IQCH: variants seen among roughly 807,000 people sequenced by gnomAD.
IQCH encodes the protein IQ motif containing H, also known as IQ domain-containing protein H.
IQCH carries 98 observed loss-of-function variants against 117.0 expected under a neutral mutation model. The observed-to-expected ratio is 0.84, with a 90% CI of 0.71 to 0.99. The LOEUF is 0.99. Among genes scored for constraint, IQCH ranks in the 50% least tolerant of loss-of-function variants. The probability of loss-of-function intolerance (pLI) is 0.00; values close to 1 mark genes in which losing one functional copy is unlikely to be tolerated. For missense variants in IQCH, 1,102 were observed against 1,243.8 expected, an observed-to-expected ratio of 0.89 and a Z score of 1.72; for synonymous variants, 412 against 448.2, an observed-to-expected ratio of 0.92 and a Z score of 1.02.
intron 4 of IQCH, among the ~76,000 whole-genome samples, chr15:67,301,679 G>A (rs1486899650): frequency 6.6e-6 from 1 of 151,736 alleles, no homozygotes; most frequent in Non-Finnish European, 1.5e-5. Context: ...CAAAGTGCTG[G>A]GATTACAGGA....
intron 6 of IQCH, among the ~76,000 whole-genome samples, chr15:67,347,742 T>TA (rs1969462370): frequency 6.7e-6 from 1 of 150,106 alleles, no homozygotes; most frequent in East Asian, 1.9e-4. Context: ...GTATTCTTTA[T>TA]GAAAATAGAT....
At chr15:67,462,830 A>G (rs189299485) in intron 16 of IQCH, among the ~76,000 whole-genome samples, 1 of 152,212 alleles carries the variant, frequency 6.6e-6, no homozygotes, top group African/African-American at 2.4e-5. Flanking sequence ...TCACTTTCTC[A>G]TATTAAGGGA....
intron 4 of IQCH, among the ~76,000 whole-genome samples, chr15:67,303,372 G>A (rs1272955712): frequency 1.3e-5 from 2 of 152,082 alleles, no homozygotes; most frequent in East Asian, 3.9e-4. Context: ...GGTGATGGTT[G>A]TGAATATACT....
At chr15:67,399,115 G>A (rs1057370194) in intron 13 of IQCH, among the ~76,000 whole-genome samples, 2 of 152,086 alleles carry the variant, frequency 1.3e-5, no homozygotes, top group African/African-American at 4.8e-5. Context: ...ACCTCTCTGT[G>A]GGTTGGGATA....
rs1388694920 is a variant in IQCH, at chr15:67,401,141, T to C, written c.2097+836T>C. On this transcript the variant is annotated intron_variant, in intron 14 of 20. Transcript: ENST00000335894. The surrounding 1 kb of genome is among the most constrained non-coding windows in gnomAD (Gnocchi z 4.7). Reference sequence around the variant, plus strand: ...AAAATAGTACATTCCAGCCAGAAAATCTCCCAGCAAAAGCTGAGCTGTAGG... The same window carrying C: ...AAAATAGTACATTCCAGCCAGAAAACCTCCCAGCAAAAGCTGAGCTGTAGG... Among the ~76,000 whole-genome samples, 1 of 152,042 alleles carries C rather than the reference T, an allele frequency of 6.6e-6. No homozygotes were observed. The highest frequency in any genetic ancestry group is 1.5e-5 in the Non-Finnish European group (1 of 68,008).
At chr15:67,336,460 C>T (rs1172080039) in intron 4 of IQCH, among the ~76,000 whole-genome samples, 1 of 152,124 alleles carries the variant, frequency 6.6e-6, no homozygotes, top group African/African-American at 2.4e-5. Flanking sequence ...AAGTAATTAT[C>T]TTCTCTAACT....
In IQCH at chr15:67,425,122, T is replaced by C. The variant is rs1006427199; in HGVS notation, c.2505+3545T>C. On this transcript the variant is annotated intron_variant, in intron 16 of 20. Transcript: ENST00000335894. This position sits in a 1 kb window ranked among gnomAD's most constrained non-coding sequence, Gnocchi z 5.5. Reference sequence around the variant, plus strand: ...TGTTTGTTTGCCCATTTATATATCTTTTCTTAATTGCCTAATCATATCTTT... The same window carrying C: ...TGTTTGTTTGCCCATTTATATATCTCTTCTTAATTGCCTAATCATATCTTT... 2.6e-5 allele frequency among the ~76,000 whole-genome samples: 4 copies of C among 152,220 alleles called. No homozygotes were observed. The highest frequency in any genetic ancestry group is 7.2e-5 in the African/African-American group (3 of 41,458).
chr15:67,367,337 AC>A (rs1326591961), intron 8 of IQCH, among the ~76,000 whole-genome samples: 1 of 152,114 alleles, frequency 6.6e-6, no homozygotes, highest in Non-Finnish European at 1.5e-5. Flanking sequence ...GGAGTTCAAG[AC>A]CAGCTTGGGC....
intron 3 of IQCH, among the ~76,000 whole-genome samples, chr15:67,277,029 A>C (rs1016779240): frequency 1.3e-5 from 2 of 152,138 alleles, no homozygotes; most frequent in African/African-American, 2.4e-5. Context: ...CACTTTGAGG[A>C]GTTTATATTG....
chr15:67,301,883 C>T (rs1296291676), intron 4 of IQCH, among the ~76,000 whole-genome samples: 15 of 152,198 alleles, frequency 9.9e-5, no homozygotes, highest in Middle Eastern at 3.4e-3. Flanking sequence ...TGATTGCTTT[C>T]GAACCCAACA....
chr15:67,345,144 C>T (rs1018346531), intron 6 of IQCH, among the ~76,000 whole-genome samples: 3 of 152,150 alleles, frequency 2.0e-5, no homozygotes, highest in Non-Finnish European at 4.4e-5. Context: ...CACCCATCAC[C>T]ACGCCTGATT....
At chr15:67,423,625 G>A (rs1455245174) in intron 16 of IQCH, among the ~76,000 whole-genome samples, 2 of 151,138 alleles carry the variant, frequency 1.3e-5, no homozygotes, top group African/African-American at 4.9e-5. Context: ...AAAAAAGGCT[G>A]GGCACGGTAG....
chr15:67,288,538 A>G (rs1213374061), intron 4 of IQCH, among the ~76,000 whole-genome samples: 1 of 152,016 alleles, frequency 6.6e-6, no homozygotes, highest in Non-Finnish European at 1.5e-5. Flanking sequence ...TTGTCTTGAA[A>G]TCTATTTTGT....
chr15:67,460,997 C>T (rs185125704), intron 16 of IQCH, among the ~76,000 whole-genome samples: 1 of 152,324 alleles, frequency 6.6e-6, no homozygotes, highest in East Asian at 1.9e-4. Flanking sequence ...TTCAGGCCCC[C>T]ATCATTGCTC....
At chr15:67,450,684 C>G (rs1447942868) in intron 16 of IQCH, among the ~76,000 whole-genome samples, 1 of 152,086 alleles carries the variant, frequency 6.6e-6, no homozygotes, top group Non-Finnish European at 1.5e-5. Context: ...CTAAAATTCT[C>G]TTTTTTGGTT....
Position 67,425,422 on chromosome 15 carries a change from G to A in IQCH, c.2505+3845G>A, listed in dbSNP as rs2081861568. Among the ~76,000 whole-genome samples, 1 of 152,136 alleles carries A rather than the reference G, an allele frequency of 6.6e-6. No homozygotes were observed. The highest frequency in any genetic ancestry group is 1.5e-5 in the Non-Finnish European group (1 of 68,026). ...AGGTCAGGAGTTCAAGACCAGCTTG[G>A]CCAATATGGTGAAACCCCATCTCTA... On this transcript the variant is annotated intron_variant, in intron 16 of 20. Transcript: ENST00000335894. The surrounding 1 kb of genome is among the most constrained non-coding windows in gnomAD (Gnocchi z 5.5).
intron 13 of IQCH, among the ~76,000 whole-genome samples, chr15:67,397,897 AG>A (rs1355484262): frequency 4.6e-5 from 7 of 152,340 alleles, no homozygotes; most frequent in Non-Finnish European, 1.0e-4. Flanking sequence ...TAACTGTGAA[AG>A]TTCTCTTTCT....
intron 4 of IQCH, among the ~76,000 whole-genome samples, chr15:67,307,718 AC>A (rs1215647948): frequency 2.0e-5 from 3 of 152,094 alleles, no homozygotes; most frequent in Non-Finnish European, 4.4e-5. Flanking sequence ...GAATTAATAA[AC>A]CTTTCTTGTC....
Position 67,273,417 on chromosome 15 carries a change from T to G in IQCH, c.270-5978T>G, listed in dbSNP as rs557221571. ...TGCTTTTTATTTCTAATGTATCTGT[T>G]ATAGTTTTTTGCATTGTGGTTCCCA... On this transcript the variant is annotated intron_variant, in intron 3 of 20. Transcript: ENST00000335894. Among the ~76,000 whole-genome samples, 6 of 152,314 alleles carry G rather than the reference T, an allele frequency of 3.9e-5. No homozygotes were observed. In the South Asian group the frequency reaches 1.2e-3, roughly 32 times the overall value.
Sources: allele counts gnomAD v4.1 joint callset (sites outside exome capture counted in the v4.1 genomes callset), GRCh38; gene constraint gnomAD v4.1.1; non-coding constraint Gnocchi (gnomAD v3.1); transcripts MANE v1.5; gene names NCBI Gene and HGNC (gene_info 2026-07-23, HGNC 2026-07-21).